LRBA: variants seen among roughly 807,000 people sequenced by gnomAD.
LRBA encodes the protein LPS responsive beige-like anchor protein.
Under a neutral mutation model 330.0 loss-of-function variants are expected in LRBA, and 176 were observed. The ratio of observed to expected loss-of-function variants is 0.53; its 90% confidence interval spans 0.47 to 0.60. LRBA has a LOEUF of 0.60. LRBA is among the 20% of genes least tolerant of loss of function. LRBA has a pLI of 0.00. For missense variants in LRBA, 3,259 were observed against 3,444.8 expected, an observed-to-expected ratio of 0.95 and a Z score of 1.35; for synonymous variants, 1,230 against 1,193.0, an observed-to-expected ratio of 1.03 and a Z score of -0.64.
At chr4:150,300,480 A>G (rs1384432229) in intron 53 of LRBA, among the ~76,000 whole-genome samples, 1 of 152,080 alleles carries the variant, frequency 6.6e-6, no homozygotes, top group East Asian at 1.9e-4. Context: ...AATGCCAACA[A>G]GATGGTGTTT....
chr4:150,869,396 A>T (rs1406066750), intron 20 of LRBA, among the ~76,000 whole-genome samples: 1 of 152,184 alleles, frequency 6.6e-6, no homozygotes, highest in Non-Finnish European at 1.5e-5. Flanking sequence ...TCCAGAATTT[A>T]GCTTAAATTA....
At chr4:150,951,513 G>T (rs1351914838) in intron 2 of LRBA, among the ~76,000 whole-genome samples, 1 of 152,082 alleles carries the variant, frequency 6.6e-6, no homozygotes, top group East Asian at 1.9e-4. Flanking sequence ...TACAATTGCA[G>T]GGTTTTTTCC....
intron 13 of LRBA, 144 bp from the exon 14 acceptor site, chr4:150,900,361 A>C: frequency 2.0e-6 from 1 of 509,600 alleles, no homozygotes; most frequent in Non-Finnish European, 3.4e-6. Context: ...ATTAGACAAC[A>C]CATACTCACT....
chr4:150,700,857 G>A (rs547960348), intron 36 of LRBA, among the ~76,000 whole-genome samples: 1 of 151,262 alleles, frequency 6.6e-6, no homozygotes, highest in Admixed American at 6.6e-5. Flanking sequence ...CACTGGGCTC[G>A]AGTGATTCTC....
intron 54 of LRBA, 124 bp from the exon 55 acceptor site, chr4:150,282,770 A>C: frequency 1.5e-6 from 1 of 656,624 alleles, no homozygotes; most frequent in East Asian, 2.9e-5. Flanking sequence ...GCCTTTAAAA[A>C]ACTTCCATCT....
At chr4:150,620,838 A>G (rs926859522) in intron 37 of LRBA, among the ~76,000 whole-genome samples, 3 of 152,152 alleles carry the variant, frequency 2.0e-5, no homozygotes, top group Non-Finnish European at 2.9e-5. Context: ...AAGGAATAAC[A>G]ACCTCCATAT....
chr4:150,844,609 T>C (rs1005842887), intron 27 of LRBA, 49 bp downstream of exon 27: 6 of 1,512,104 alleles, frequency 4.0e-6, no homozygotes, highest in Non-Finnish European at 5.4e-6. Context: ...AAATCTTAAT[T>C]GTAAAATAGG....
intron 56 of LRBA, among the ~76,000 whole-genome samples, chr4:150,271,367 C>T (rs1746071907): frequency 6.6e-6 from 1 of 150,386 alleles, no homozygotes; most frequent in South Asian, 2.1e-4. Flanking sequence ...CGAGACAGAA[C>T]CGTTTACTCC....
At chr4:150,345,865 G>GT (rs1261038483) in intron 48 of LRBA, among the ~76,000 whole-genome samples, 1 of 151,962 alleles carries the variant, frequency 6.6e-6, no homozygotes, top group African/African-American at 2.4e-5. Context: ...GATTGCCATG[G>GT]TACAATCATG....
chr4:150,707,255 T>C (rs1343783488), intron 36 of LRBA, among the ~76,000 whole-genome samples: 3 of 151,548 alleles, frequency 2.0e-5, no homozygotes, highest in East Asian at 1.9e-4. Flanking sequence ...AAAAACTAAA[T>C]GAATAGATTG....
intron 2 of LRBA, among the ~76,000 whole-genome samples, chr4:151,011,594 T>A (rs1213607783): frequency 7.2e-5 from 8 of 111,496 alleles, no homozygotes; most frequent in Non-Finnish European, 1.1e-4. Context: ...TGAGACTCTA[T>A]CTCAAAAAAA....
intron 44 of LRBA, among the ~76,000 whole-genome samples, chr4:150,467,022 CTA>C (rs1184123710): frequency 6.6e-6 from 1 of 152,010 alleles, no homozygotes; most frequent in African/African-American, 2.4e-5. Flanking sequence ...AGGGTTAAGA[CTA>C]GAGTGCCTGG....
intron 18 of LRBA, among the ~76,000 whole-genome samples, chr4:150,872,233 G>A (rs1174956118): frequency 6.6e-6 from 1 of 152,174 alleles, no homozygotes; most frequent in Non-Finnish European, 1.5e-5. Flanking sequence ...AAGAACAAGA[G>A]GTAGAACATG....
chr4:150,410,135 T>C lies in LRBA; in HGVS notation c.7194+5303A>G, dbSNP rs149173095. On this transcript the variant is annotated intron_variant, in intron 47 of 56. Transcript: ENST00000651943. The stretch of plus-strand genomic sequence containing the variant: ...GTTGTCTGGTCAGTGGTCTTAAGAA[T>C]GTCATTTCCCCACTCTTGTTCAGTG... Among the ~76,000 whole-genome samples, 416 of 152,290 alleles carry C rather than the reference T, an allele frequency of 2.7e-3. 4 individuals are homozygous for C. The Middle Eastern group carries it at 0.031, about 11-fold the overall frequency.
At chr4:150,494,091 A>G (rs1403774108) in intron 40 of LRBA, among the ~76,000 whole-genome samples, 1 of 152,142 alleles carries the variant, frequency 6.6e-6, no homozygotes, top group Admixed American at 6.5e-5. Flanking sequence ...CTCTAAAAAA[A>G]GAAAAAAAAG....
chr4:150,763,325 T>C lies in LRBA; in HGVS notation c.5581-1478A>G, dbSNP rs528706691. Reference sequence around the variant, plus strand: ...GGTCTTAGATATTATCTTCTAAAAGTGTATTCTAGGTATAATTTTTATTAT... The same window carrying C: ...GGTCTTAGATATTATCTTCTAAAAGCGTATTCTAGGTATAATTTTTATTAT... On this transcript the variant is annotated intron_variant, in intron 34 of 56. Transcript: ENST00000651943. Among the ~76,000 whole-genome samples the C allele has an allele frequency of 2.0e-5, 3 of 152,058 alleles. No homozygotes were observed. The East Asian group carries it at 5.8e-4, about 29-fold the overall frequency.
intron 46 of LRBA, chr4:150,423,323 C>A: frequency 1.4e-6 from 1 of 736,464 alleles, no homozygotes; most frequent in Non-Finnish European, 2.4e-6. Flanking sequence ...CCCTGGGGGA[C>A]GAGCTCTGCG....
At chr4:150,718,417 T>G (rs1728519188) in intron 36 of LRBA, among the ~76,000 whole-genome samples, 1 of 152,116 alleles carries the variant, frequency 6.6e-6, no homozygotes, top group Non-Finnish European at 1.5e-5. Flanking sequence ...ATGTACAGCT[T>G]GAATTCAAGG....
chr4:150,336,012 C>A (rs980797776), intron 48 of LRBA, among the ~76,000 whole-genome samples: 6 of 152,164 alleles, frequency 3.9e-5, no homozygotes, highest in African/African-American at 2.4e-5. Flanking sequence ...CTGTGCTTGG[C>A]CTTTATGAAG....
Sources: allele counts gnomAD v4.1 joint callset (sites outside exome capture counted in the v4.1 genomes callset), GRCh38; gene constraint gnomAD v4.1.1; transcripts MANE v1.5; gene names NCBI Gene and HGNC (gene_info 2026-07-23, HGNC 2026-07-21).